CORO1C: variants seen among roughly 807,000 people sequenced by gnomAD.
CORO1C encodes the protein coronin 1C, also known as coronin-1C.
A neutral mutation model predicts 51.2 loss-of-function variants in CORO1C; 14 were observed. The observed-to-expected ratio is 0.27, with a 90% CI of 0.18 to 0.43. CORO1C has a LOEUF of 0.43. Ranked by LOEUF, CORO1C falls within the 20% of genes least tolerant of loss-of-function variation. The pLI is 1.00. For missense variants in CORO1C, 417 were observed against 607.8 expected (o/e 0.69, Z 3.30); for synonymous variants, 181 against 210.5 (o/e 0.86, Z 1.21).
intron 1 of CORO1C, among the ~76,000 whole-genome samples, chr12:108,728,477 T>A (rs2035642323): frequency 6.6e-6 from 1 of 152,104 alleles, no homozygotes; most frequent in African/African-American, 2.4e-5. Context: ...CTAAGGGGTA[T>A]GGGGTTTCTT....
chr12:108,728,943 C>T (rs982893306), intron 1 of CORO1C, among the ~76,000 whole-genome samples: 7 of 152,058 alleles, frequency 4.6e-5, no homozygotes, highest in African/African-American at 1.4e-4. Flanking sequence ...CTTGAAAATG[C>T]AAGTAGCTCT....
intron 3 of CORO1C, among the ~76,000 whole-genome samples, chr12:108,663,515 A>G (rs1358039741): frequency 6.6e-6 from 1 of 152,278 alleles, no homozygotes; most frequent in Admixed American, 6.5e-5. Context: ...AGAATGAAGT[A>G]CTGATACATG....
At chr12:108,704,289 T>G (rs1015038147) in intron 1 of CORO1C, among the ~76,000 whole-genome samples, 1 of 152,026 alleles carries the variant, frequency 6.6e-6, no homozygotes, top group Non-Finnish European at 1.5e-5. Flanking sequence ...CTGGCCAACA[T>G]GGTGAAACCC....
At chr12:108,696,289 C>T (rs930749441) in intron 2 of CORO1C, 2 of 152,122 alleles carry the variant, frequency 1.3e-5, no homozygotes, top group African/African-American at 4.8e-5. Context: ...CCATCTAGTT[C>T]GCATCCTCCA....
At position 108,654,295 on chromosome 12, in the gene CORO1C, T is replaced by C; in HGVS notation, c.855+11A>G. On this transcript the variant is annotated intron_variant, in intron 7 of 10. Coordinates refer to ENST00000261401, the MANE Select transcript of CORO1C (RefSeq NM_014325.4). ...CAGGATTTAACACCAAACATCAAAA[T>C]TACTGTTTACCTTTCCACATAAGTA... is the stretch of plus-strand genomic sequence containing the variant. The C allele has an allele frequency of 6.4e-7, 1 of 1,553,208 alleles. No homozygotes were observed. Among genetic ancestry groups the C allele is most frequent in the Non-Finnish European group, 8.9e-7 (1 of 1,126,110 alleles).
chr12:108,652,972 G>A (rs1461685157), intron 7 of CORO1C: 1 of 152,950 alleles, frequency 6.5e-6, no homozygotes, highest in Non-Finnish European at 1.5e-5. Context: ...AGAATAGTCA[G>A]ATATCTTTGA....
chr12:108,669,429 G>A (rs141476620), intron 3 of CORO1C, among the ~76,000 whole-genome samples: 151 of 152,070 alleles, frequency 9.9e-4, no homozygotes, highest in African/African-American at 3.5e-3. Context: ...TCCATTATAC[G>A]TTTACAGCTT....
At chr12:108,718,499 G>T (rs1429162992) in intron 1 of CORO1C, among the ~76,000 whole-genome samples, 4 of 151,848 alleles carry the variant, frequency 2.6e-5, no homozygotes, top group African/African-American at 9.7e-5. Flanking sequence ...CAGAGATCAT[G>T]CCACTGTACT....
At chr12:108,716,293 G>A (rs2035336314) in intron 1 of CORO1C, among the ~76,000 whole-genome samples, 1 of 151,982 alleles carries the variant, frequency 6.6e-6, no homozygotes, top group African/African-American at 2.4e-5. Flanking sequence ...ATATGGAGTA[G>A]ACAATAAAAT....
intron 1 of CORO1C, among the ~76,000 whole-genome samples, chr12:108,707,524 T>C (rs1248449145): frequency 1.3e-5 from 2 of 152,276 alleles, no homozygotes; most frequent in East Asian, 1.9e-4. Context: ...GCTAAAACTA[T>C]AAAACTCTGA....
At chr12:108,689,069 G>A (rs909242202) in intron 2 of CORO1C, among the ~76,000 whole-genome samples, 6 of 145,906 alleles carry the variant, frequency 4.1e-5, no homozygotes, top group Non-Finnish European at 5.9e-5. Flanking sequence ...GCATGGTGTT[G>A]GGCACCTGTA....
In CORO1C at chr12:108,658,079, C is replaced by T. The variant is rs1303436345; in HGVS notation, c.631-656G>A. On this transcript the variant is annotated intron_variant, in intron 5 of 10. Transcript: ENST00000261401. The surrounding 1 kb of genome is among the most constrained non-coding windows in gnomAD (Gnocchi z 4.9). ...TGTAGTTTCAACACCGACTGAAGAC[C>T]CAAATGTCCATCTTTTGTCAAGGTA... Among the ~76,000 whole-genome samples, 1 of 152,164 alleles carries T rather than the reference C, an allele frequency of 6.6e-6. No individual in the cohort carries two copies. The highest frequency in any genetic ancestry group is 1.5e-5 in the Non-Finnish European group (1 of 68,042).
At chr12:108,678,005 C>T (rs2033969274) in intron 3 of CORO1C, among the ~76,000 whole-genome samples, 1 of 147,420 alleles carries the variant, frequency 6.8e-6, no homozygotes, top group East Asian at 2.0e-4. Context: ...GGTGACAGAG[C>T]AAGACTCCAT....
At chr12:108,695,522 G>A (rs533550226) in intron 2 of CORO1C, among the ~76,000 whole-genome samples, 3 of 152,198 alleles carry the variant, frequency 2.0e-5, no homozygotes, top group Non-Finnish European at 2.9e-5. Context: ...ATGTGATAAC[G>A]CAGGCTGTGG....
intron 1 of CORO1C, among the ~76,000 whole-genome samples, chr12:108,706,088 G>C (rs1189271566): frequency 1.3e-5 from 2 of 150,926 alleles, no homozygotes; most frequent in South Asian, 2.1e-4. Context: ...TCGGGAGGCA[G>C]AGGCAGGAGA....
At chr12:108,650,345 A>AT (rs1371499790) in intron 8 of CORO1C, among the ~76,000 whole-genome samples, 7 of 151,816 alleles carry the variant, frequency 4.6e-5, no homozygotes, top group Non-Finnish European at 1.0e-4. Context: ...CACCTGGCTA[A>AT]TTTTTTTAAT....
At chr12:108,667,022 C>A (rs754552877) in intron 3 of CORO1C, among the ~76,000 whole-genome samples, 6 of 151,098 alleles carry the variant, frequency 4.0e-5, no homozygotes, top group Non-Finnish European at 7.4e-5. Flanking sequence ...GCTTACTGTG[C>A]GGATACAATA....
intron 2 of CORO1C, among the ~76,000 whole-genome samples, chr12:108,681,008 T>C (rs1314318181): frequency 6.6e-6 from 1 of 152,222 alleles, no homozygotes; most frequent in Non-Finnish European, 1.5e-5. Flanking sequence ...CTCCTTCCTT[T>C]CTTTCTCTCT....
At chr12:108,687,249 C>A (rs1241857973) in intron 2 of CORO1C, among the ~76,000 whole-genome samples, 1 of 152,104 alleles carries the variant, frequency 6.6e-6, no homozygotes, top group African/African-American at 2.4e-5. Context: ...ACTTAAATGA[C>A]TTAGCAAAAA....
Sources: allele counts gnomAD v4.1 joint callset (sites outside exome capture counted in the v4.1 genomes callset), GRCh38; gene constraint gnomAD v4.1.1; non-coding constraint Gnocchi (gnomAD v3.1); transcripts MANE v1.5; gene names NCBI Gene and HGNC (gene_info 2026-07-23, HGNC 2026-07-21).